SNTG1: variants seen among roughly 807,000 people sequenced by gnomAD.
The protein encoded by SNTG1 is gamma-1-syntrophin.
Under a neutral mutation model 74.7 loss-of-function variants are expected in SNTG1, and 39 were observed. That is an observed-to-expected ratio of 0.52 (90% confidence interval 0.40 to 0.68). The LOEUF is 0.68. Among genes scored for constraint, SNTG1 ranks in the 30% least tolerant of loss-of-function variants. The pLI is 0.00. For synonymous variants in SNTG1, 254 were observed against 217.1 expected (o/e 1.17, Z -1.49); for missense variants, 685 against 609.5 (o/e 1.12, Z -1.30).
In SNTG1 at chr8:50,043,502, T is replaced by G. The variant is rs973860599; in HGVS notation, c.-102-129059T>G. 2.0e-5 allele frequency among the ~76,000 whole-genome samples: 3 copies of G among 152,312 alleles called. No individual in the cohort carries two copies. The East Asian group carries it at 5.8e-4, about 29-fold the overall frequency. On this transcript the variant is annotated intron_variant, in intron 1 of 18. Coordinates refer to ENST00000642720, the MANE Select transcript of SNTG1 (RefSeq NM_018967.5). ...GAATTTATGAAAGCAGTCTGCTTTA[T>G]AAAATAATTTGTGAAGGGGATGTCT... is the stretch of plus-strand genomic sequence containing the variant.
At chr8:50,533,130 G>C (rs1359287924) in intron 10 of SNTG1, among the ~76,000 whole-genome samples, 1 of 152,148 alleles carries the variant, frequency 6.6e-6, no homozygotes, top group African/African-American at 2.4e-5. Flanking sequence ...CCAAGACCTT[G>C]GCTCTTAAGC....
chr8:50,223,054 C>A (rs1169559575), intron 2 of SNTG1, among the ~76,000 whole-genome samples: 1 of 151,890 alleles, frequency 6.6e-6, no homozygotes, highest in Non-Finnish European at 1.5e-5. Context: ...ACCTTGGTAC[C>A]AATAAATTTG....
intron 2 of SNTG1, among the ~76,000 whole-genome samples, chr8:50,272,101 A>C (rs968945): frequency 0.48 from 72,703 of 151,898 alleles, 19,608 homozygotes; most frequent in East Asian, 0.83. Flanking sequence ...AATAAATTTC[A>C]ATTGTTTATC....
At chr8:50,267,678 C>A (rs2087553697) in intron 2 of SNTG1, among the ~76,000 whole-genome samples, 1 of 152,106 alleles carries the variant, frequency 6.6e-6, no homozygotes, top group Non-Finnish European at 1.5e-5. Flanking sequence ...TGTAATCCAC[C>A]ATATTAATGG....
At chr8:50,718,868 A>G (rs2095480998) in intron 17 of SNTG1, among the ~76,000 whole-genome samples, 1 of 152,218 alleles carries the variant, frequency 6.6e-6, no homozygotes. Flanking sequence ...AAAGTGCTTA[A>G]TCTCTGTCAG....
chr8:50,192,400 A>T (rs1459539051), intron 2 of SNTG1, among the ~76,000 whole-genome samples: 1 of 152,044 alleles, frequency 6.6e-6, no homozygotes, highest in Non-Finnish European at 1.5e-5. Flanking sequence ...CATTTCCCTG[A>T]TCATTATTGA....
At chr8:50,791,198 A>G (rs1380130524) in intron 18 of SNTG1, among the ~76,000 whole-genome samples, 2 of 151,928 alleles carry the variant, frequency 1.3e-5, no homozygotes, top group Non-Finnish European at 2.9e-5. Flanking sequence ...GAGTTAAGGC[A>G]AAGAGAAACT....
At chr8:50,278,611 A>T (rs1039615185) in intron 2 of SNTG1, among the ~76,000 whole-genome samples, 2 of 152,134 alleles carry the variant, frequency 1.3e-5, no homozygotes, top group East Asian at 3.9e-4. Flanking sequence ...GTATTCTCTC[A>T]ATCATATGTT....
intron 12 of SNTG1, among the ~76,000 whole-genome samples, chr8:50,570,582 ATTATTGTTG>A (rs1189645504): frequency 3.0e-5 from 1 of 33,352 alleles, no homozygotes; most frequent in Admixed American, 3.5e-4. Context: ...TATTATTATT[ATTATTGTTG>A]TTATTATTAT....
intron 18 of SNTG1, among the ~76,000 whole-genome samples, chr8:50,783,531 A>AT (rs2131842096): frequency 6.6e-6 from 1 of 152,246 alleles, no homozygotes; most frequent in Non-Finnish European, 1.5e-5. Flanking sequence ...CTGGTGTGCC[A>AT]TTTTTTAAGC....
At chr8:50,653,836 C>A (rs776431477) in intron 13 of SNTG1, among the ~76,000 whole-genome samples, 16 of 152,116 alleles carry the variant, frequency 1.1e-4, no homozygotes, top group Non-Finnish European at 2.4e-4. Flanking sequence ...GTATTTGCCT[C>A]TTTCACTCTC....
At chr8:49,930,302 C>G (rs1010541879) in intron 1 of SNTG1, among the ~76,000 whole-genome samples, 1 of 151,786 alleles carries the variant, frequency 6.6e-6, no homozygotes, top group Non-Finnish European at 1.5e-5. Context: ...ACATTTATAT[C>G]AGTGAGGCAA....
intron 18 of SNTG1, among the ~76,000 whole-genome samples, chr8:50,787,373 T>C (rs1001582030): frequency 1.3e-5 from 2 of 151,876 alleles, no homozygotes; most frequent in Non-Finnish European, 2.9e-5. Flanking sequence ...GTAGAGAAAT[T>C]GGAGCACTCA....
intron 18 of SNTG1, among the ~76,000 whole-genome samples, chr8:50,775,463 T>C (rs1585761720): frequency 1.3e-5 from 2 of 151,818 alleles, no homozygotes; most frequent in South Asian, 4.1e-4. Flanking sequence ...TTTCTTTCTG[T>C]TTCTTTCTTC....
chr8:50,767,892 T>A (rs1027115881), intron 18 of SNTG1, among the ~76,000 whole-genome samples: 2 of 152,022 alleles, frequency 1.3e-5, no homozygotes, highest in African/African-American at 4.8e-5. Context: ...GTAGCTTTAT[T>A]CATTGAATTT....
intron 18 of SNTG1, among the ~76,000 whole-genome samples, chr8:50,766,160 C>T (rs1056775884): frequency 6.6e-6 from 1 of 151,946 alleles, no homozygotes; most frequent in Non-Finnish European, 1.5e-5. Context: ...ACCTCCCTTA[C>T]CCCATTAGTT....
At chr8:49,932,680 A>G (rs1585554550) in intron 1 of SNTG1, among the ~76,000 whole-genome samples, 2 of 152,110 alleles carry the variant, frequency 1.3e-5, no homozygotes, top group East Asian at 3.9e-4. Context: ...CTTTTAGTCT[A>G]TTTACAAGGT....
intron 11 of SNTG1, among the ~76,000 whole-genome samples, chr8:50,548,033 G>A (rs1601128): frequency 0.029 from 4,432 of 152,330 alleles, 221 homozygotes; most frequent in African/African-American, 0.1. Context: ...TGTGAGGGTA[G>A]AAAGGTAACA....
chr8:50,290,610 T>C (rs918213286), intron 2 of SNTG1, among the ~76,000 whole-genome samples: 2 of 152,214 alleles, frequency 1.3e-5, no homozygotes, highest in Non-Finnish European at 1.5e-5. Flanking sequence ...GTCATTAGTA[T>C]AGCACATATA....
Sources: allele counts gnomAD v4.1 joint callset (sites outside exome capture counted in the v4.1 genomes callset), GRCh38; gene constraint gnomAD v4.1.1; transcripts MANE v1.5; gene names NCBI Gene and HGNC (gene_info 2026-07-23, HGNC 2026-07-21).